Variants in RABGAP1L observed in about 807,000 individuals in gnomAD.
The protein encoded by RABGAP1L is RAB GTPase activating protein 1 like.
A neutral mutation model predicts 137.7 loss-of-function variants in RABGAP1L; 63 were observed. The observed-to-expected ratio is 0.46, with a 90% CI of 0.37 to 0.56. The LOEUF (loss-of-function observed/expected upper bound fraction) is 0.56, where lower values mean the gene tolerates loss of function less well. Among genes scored for constraint, RABGAP1L ranks in the 20% least tolerant of loss-of-function variants. The pLI is 0.00. For synonymous variants in RABGAP1L, 431 were observed against 433.7 expected (o/e 0.99, Z 0.08); for missense variants, 1,095 against 1,244.0 (o/e 0.88, Z 1.80).
chr1:174,608,605 A>G (rs1169863259), intron 13 of RABGAP1L, among the ~76,000 whole-genome samples: 2 of 152,176 alleles, frequency 1.3e-5, no homozygotes, highest in Admixed American at 1.3e-4. Context: ...AGAGGAAATT[A>G]CACAAAAGCC....
At chr1:174,300,238 G>A (rs982257686) in intron 10 of RABGAP1L, among the ~76,000 whole-genome samples, 1 of 152,156 alleles carries the variant, frequency 6.6e-6, no homozygotes, top group African/African-American at 2.4e-5. Context: ...TGAAAAGCCA[G>A]GTGCTGGCTG....
intron 18 of RABGAP1L, among the ~76,000 whole-genome samples, chr1:174,767,427 T>C (rs750910091): frequency 6.6e-6 from 1 of 152,234 alleles, no homozygotes; most frequent in Non-Finnish European, 1.5e-5. Context: ...AATTTAATTC[T>C]AACTTTTATT....
At chr1:174,288,779 T>C (rs1676303248) in intron 10 of RABGAP1L, among the ~76,000 whole-genome samples, 2 of 152,208 alleles carry the variant, frequency 1.3e-5, no homozygotes, top group South Asian at 4.1e-4. Flanking sequence ...ATTATTTCTT[T>C]ATATAGATTT....
intron 19 of RABGAP1L, among the ~76,000 whole-genome samples, chr1:174,899,524 G>A (rs748260258): frequency 2.6e-5 from 4 of 152,152 alleles, no homozygotes; most frequent in Non-Finnish European, 5.9e-5. Context: ...CATTTTTAGA[G>A]TAGGGGACTT....
intron 19 of RABGAP1L, among the ~76,000 whole-genome samples, chr1:174,843,721 A>G (rs1042762966): frequency 2.3e-5 from 2 of 87,196 alleles, no homozygotes; most frequent in African/African-American, 9.2e-5. Flanking sequence ...AGCATGATTT[A>G]TAGTCATTTG....
chr1:174,280,781 C>T (rs957085226), intron 10 of RABGAP1L, among the ~76,000 whole-genome samples: 4 of 152,304 alleles, frequency 2.6e-5, no homozygotes, highest in African/African-American at 9.6e-5. Context: ...CTTTTGTGTC[C>T]GGAATTGGTT....
rs76310303 is a variant in RABGAP1L at position 174,653,827 on chromosome 1, C to A, written c.1824+16339C>A. Among the ~76,000 whole-genome samples the A allele has an allele frequency of 4.7e-3, 717 of 152,184 alleles. 6 individuals are homozygous for A. The highest frequency in any genetic ancestry group is 0.014 in the African/African-American group (595 of 41,484). Reference sequence around the variant, plus strand: ...AGAAGCTATCTCATATTTTCTTTGTCCTAGAGAGCCAAGTGTAGTACTAGT... The same window carrying A: ...AGAAGCTATCTCATATTTTCTTTGTACTAGAGAGCCAAGTGTAGTACTAGT... On this transcript the variant is annotated intron_variant, in intron 14 of 25. Coordinates refer to ENST00000681986, the MANE Select transcript of RABGAP1L (RefSeq NM_001366446.1).
At chr1:174,213,237 C>T (rs1365838824) in intron 1 of RABGAP1L, among the ~76,000 whole-genome samples, 3 of 152,096 alleles carry the variant, frequency 2.0e-5, no homozygotes, top group African/African-American at 4.8e-5. Flanking sequence ...CCAGCCTGGC[C>T]AACATGGTGA....
intron 13 of RABGAP1L, among the ~76,000 whole-genome samples, chr1:174,505,012 A>G (rs1033531643): frequency 6.6e-6 from 1 of 152,226 alleles, no homozygotes; most frequent in Admixed American, 6.5e-5. Flanking sequence ...AATCAATTCA[A>G]TTGTAAGAAA....
chr1:174,476,602 A>G (rs753668957), intron 13 of RABGAP1L, among the ~76,000 whole-genome samples: 2 of 152,226 alleles, frequency 1.3e-5, no homozygotes, highest in Non-Finnish European at 2.9e-5. Context: ...GACATTTGGC[A>G]CTATTGGGAA....
intron 1 of RABGAP1L, among the ~76,000 whole-genome samples, chr1:174,216,869 A>C (rs1669366347): frequency 6.6e-6 from 1 of 152,034 alleles, no homozygotes; most frequent in Non-Finnish European, 1.5e-5. Context: ...TTTAGTGAAA[A>C]GGTTTTGGTC....
intron 14 of RABGAP1L, among the ~76,000 whole-genome samples, chr1:174,666,164 T>C (rs1027101331): frequency 6.6e-6 from 1 of 152,208 alleles, no homozygotes; most frequent in African/African-American, 2.4e-5. Context: ...ATTCCACATA[T>C]TTTTTACTTG....
chr1:174,382,783 C>G, intron 12 of RABGAP1L, among the ~76,000 whole-genome samples: 1 of 150,950 alleles, frequency 6.6e-6, no homozygotes, highest in Non-Finnish European at 1.5e-5. Context: ...GCCTTCTTCT[C>G]TCAGCTTGTC....
At chr1:174,176,713 G>GAAAAAAAAAAAAAAAAAA (rs71563251) in intron 1 of RABGAP1L, among the ~76,000 whole-genome samples, 1 of 21,548 alleles carries the variant, frequency 4.6e-5, no homozygotes, top group African/African-American at 1.4e-4. Flanking sequence ...CCCTTTTTCA[G>GAAAAAAAAAAAAAAAAAA]AAAAAAAAAA....
At chr1:174,941,604 A>G (rs1436267329) in intron 19 of RABGAP1L, among the ~76,000 whole-genome samples, 1 of 152,146 alleles carries the variant, frequency 6.6e-6, no homozygotes, top group African/African-American at 2.4e-5. Flanking sequence ...CCTGGTAGAA[A>G]GGTAGTGAGG....
intron 1 of RABGAP1L, among the ~76,000 whole-genome samples, chr1:174,195,724 T>TCTC (rs1291827908): frequency 1.6e-4 from 16 of 101,460 alleles, no homozygotes; most frequent in African/African-American, 5.4e-4. Flanking sequence ...TTTCTTTCTT[T>TCTC]TCTTTCTTTT....
chr1:174,467,139 G>A (rs1042735214), intron 13 of RABGAP1L, among the ~76,000 whole-genome samples: 1 of 152,112 alleles, frequency 6.6e-6, no homozygotes, highest in African/African-American at 2.4e-5. Context: ...TACACAGCTA[G>A]TTTTCTGCCA....
In RABGAP1L at chr1:174,908,663, C is replaced by T. The variant is rs138322864; in HGVS notation, c.2341-48794C>T. 8.6e-3 allele frequency among the ~76,000 whole-genome samples: 1,288 copies of T among 150,496 alleles called. 12 individuals carry two copies. Among genetic ancestry groups the T allele is most frequent in the African/African-American group, 0.029 (1,188 of 40,964 alleles). On this transcript the variant is annotated intron_variant, in intron 19 of 25. Coordinates refer to ENST00000681986, the MANE Select transcript of RABGAP1L (RefSeq NM_001366446.1). ...GTTCAAGCAATTCTCCTGCCTCAGC[C>T]TCCTGAGTGGCTGGGATTACAGGTG...
intron 13 of RABGAP1L, among the ~76,000 whole-genome samples, chr1:174,427,142 T>TTGTGTGTG (rs1289862039): frequency 1.7e-5 from 2 of 115,466 alleles, no homozygotes; most frequent in African/African-American, 6.9e-5. Context: ...CTCCGCATGT[T>TTGTGTGTG]TATGTGTGTG....
Sources: gnomAD v4.1 joint callset for allele counts (sites outside exome capture counted in the v4.1 genomes callset) on GRCh38, gnomAD v4.1.1 for gene constraint, MANE v1.5 for transcripts, NCBI Gene and HGNC (gene_info 2026-07-23, HGNC 2026-07-21) for gene names.